Variants in TBC1D32 observed in about 807,000 individuals in gnomAD.
TBC1D32 encodes TBC1 domain family member 32.
TBC1D32 carries 151 observed loss-of-function variants against 170.3 expected under a neutral mutation model. The observed-to-expected ratio is 0.89, with a 90% CI of 0.78 to 1.01. The LOEUF (loss-of-function observed/expected upper bound fraction) is 1.01. Among genes scored for constraint, TBC1D32 ranks in the 50% least tolerant of loss-of-function variants. The pLI is 0.00. For missense variants in TBC1D32, 1,464 were observed against 1,457.1 expected (o/e 1.00, Z -0.08); for synonymous variants, 498 against 488.0 (o/e 1.02, Z -0.27).
rs531637028 is a variant in TBC1D32, at chr6:121,198,749, C to G, written c.2570+6326G>C. Among the ~76,000 whole-genome samples, 12 of 150,722 alleles carry G rather than the reference C, an allele frequency of 8.0e-5. 1 individual carries two copies. Among genetic ancestry groups the G allele is most frequent in the African/African-American group, 2.7e-4 (11 of 40,404 alleles). ...CTGGGCGACAGAGCGAGACTCTTGTCTCAAAAATAAAAAATAAAAAAAAGA... is the reference window on the plus strand; with the variant it reads ...CTGGGCGACAGAGCGAGACTCTTGTGTCAAAAATAAAAAATAAAAAAAAGA... On this transcript the variant is annotated intron_variant, in intron 22 of 31. Transcript: ENST00000398212.
chr6:121,235,403 T>C (rs1463553466), intron 20 of TBC1D32, among the ~76,000 whole-genome samples: 1 of 152,136 alleles, frequency 6.6e-6, no homozygotes, highest in Non-Finnish European at 1.5e-5. Context: ...GCTCAGCCTC[T>C]CCTTGGGCGA....
intron 17 of TBC1D32, among the ~76,000 whole-genome samples, chr6:121,255,040 G>A (rs910603885): frequency 1.3e-5 from 2 of 151,782 alleles, no homozygotes; most frequent in Non-Finnish European, 2.9e-5. Context: ...TTCCAACTTT[G>A]GTATTTGGTA....
intron 22 of TBC1D32, among the ~76,000 whole-genome samples, chr6:121,170,150 A>G (rs1440953378): frequency 6.6e-6 from 1 of 151,584 alleles, no homozygotes; most frequent in Non-Finnish European, 1.5e-5. Context: ...ATACACACAT[A>G]CCACACACAT....
intron 15 of TBC1D32, among the ~76,000 whole-genome samples, chr6:121,274,122 C>T (rs1241624766): frequency 3.3e-5 from 5 of 152,144 alleles, no homozygotes; most frequent in South Asian, 2.1e-4. Context: ...ATCATGAGGT[C>T]GGGAGGTGGA....
chr6:121,210,554 A>T (rs1792901614), intron 21 of TBC1D32, among the ~76,000 whole-genome samples: 1 of 152,222 alleles, frequency 6.6e-6, no homozygotes. Context: ...ATACTGTGGT[A>T]GGCAGAATTC....
intron 20 of TBC1D32, among the ~76,000 whole-genome samples, chr6:121,227,018 A>G (rs1461053532): frequency 2.0e-5 from 3 of 151,196 alleles, no homozygotes; most frequent in Non-Finnish European, 4.4e-5. Flanking sequence ...TGGGCCACAC[A>G]TAAAATACAG....
chr6:121,111,627 G>A (rs1325821050), intron 29 of TBC1D32, among the ~76,000 whole-genome samples: 1 of 152,042 alleles, frequency 6.6e-6, no homozygotes, highest in Non-Finnish European at 1.5e-5. Flanking sequence ...TTATGGTGAA[G>A]AACAAGAATT....
Position 121,314,670 on chromosome 6 carries a change from C to T in TBC1D32, c.495+2825G>A, listed in dbSNP as rs532533088. Among the ~76,000 whole-genome samples the T allele has an allele frequency of 2.5e-3, 374 of 152,170 alleles. 2 individuals are homozygous for T. Among genetic ancestry groups the T allele is most frequent in the African/African-American group, 8.6e-3 (355 of 41,518 alleles). On this transcript the variant is annotated intron_variant, in intron 3 of 31. Coordinates refer to ENST00000398212, the MANE Select transcript of TBC1D32 (RefSeq NM_152730.6). ...CCGTGCTGTACTATACTAATTACTG[C>T]GGAGGAAGAGAAAGACAGAAAAACT...
intron 22 of TBC1D32, among the ~76,000 whole-genome samples, chr6:121,172,167 GGCCTCCCCAGCCAC>G (rs1258977745): frequency 1.3e-5 from 2 of 152,012 alleles, no homozygotes; most frequent in Non-Finnish European, 2.9e-5. Context: ...ATGATTATGA[GGCCTCCCCAGCCAC>G]GTGGGAACTG....
intron 1 of TBC1D32, among the ~76,000 whole-genome samples, chr6:121,330,982 G>C (rs920450721): frequency 2.6e-5 from 4 of 152,152 alleles, no homozygotes; most frequent in African/African-American, 9.7e-5. Flanking sequence ...TGTAGAAAAA[G>C]AGAAGTGCCT....
At chr6:121,148,469 A>G (rs1428169270) in intron 24 of TBC1D32, among the ~76,000 whole-genome samples, 4 of 152,020 alleles carry the variant, frequency 2.6e-5, no homozygotes, top group African/African-American at 9.7e-5. Context: ...TCTTTATAAC[A>G]GAATCACTTA....
At chr6:121,287,952 A>G (rs960997199) in intron 12 of TBC1D32, among the ~76,000 whole-genome samples, 2 of 152,174 alleles carry the variant, frequency 1.3e-5, no homozygotes, top group African/African-American at 2.4e-5. Flanking sequence ...CTTTGAAACC[A>G]ATGAGAACAA....
chr6:121,290,476 C>T (rs28846448), intron 12 of TBC1D32, among the ~76,000 whole-genome samples: 17,463 of 151,412 alleles, frequency 0.12, 1,424 homozygotes, highest in Admixed American at 0.23. Flanking sequence ...GTTAGAATGG[C>T]GATCATTAAA....
chr6:121,288,793 AG>A (rs1159855252), intron 12 of TBC1D32, among the ~76,000 whole-genome samples: 2 of 151,800 alleles, frequency 1.3e-5, no homozygotes, highest in Non-Finnish European at 2.9e-5. Flanking sequence ...CACATCAAAA[AG>A]CTTATCCACC....
intron 22 of TBC1D32, chr6:121,170,635 A>G (rs775766683): frequency 3.1e-5 from 22 of 718,148 alleles, no homozygotes; most frequent in Non-Finnish European, 4.3e-5. Context: ...TCTAAATCTA[A>G]CAGAAAGTAT....
chr6:121,141,238 A>G (rs539759326), intron 24 of TBC1D32, among the ~76,000 whole-genome samples: 4 of 151,888 alleles, frequency 2.6e-5, no homozygotes, highest in African/African-American at 9.6e-5. Flanking sequence ...TAAGGTGGAG[A>G]TAACTTCTCT....
chr6:121,316,446 T>C lies in TBC1D32; in HGVS notation c.495+1049A>G, dbSNP rs114810053. Among the ~76,000 whole-genome samples, 1,347 of 152,228 alleles carry C rather than the reference T, an allele frequency of 8.8e-3. 27 individuals are homozygous for C. The highest frequency in any genetic ancestry group is 0.031 in the African/African-American group (1,275 of 41,536). ...ACTTACTAAACAAGCCATCTGACTG[T>C]ATTAAACTAAAATCTCTATACCCCA... is the stretch of plus-strand genomic sequence containing the variant. On this transcript the variant is annotated intron_variant, in intron 3 of 31. Transcript: ENST00000398212.
Position 121,334,275 on chromosome 6 carries a change from C to T in TBC1D32, c.155+1G>A. The T allele has an allele frequency of 3.1e-6, 5 of 1,613,696 alleles. No individual in the cohort carries two copies. The highest frequency in any genetic ancestry group is 4.2e-6 in the Non-Finnish European group (5 of 1,179,710). On this transcript the variant is annotated splice_donor_variant, in intron 1 of 31. Coordinates refer to ENST00000398212, the MANE Select transcript of TBC1D32 (RefSeq NM_152730.6). LOFTEE classifies it high-confidence loss of function. The stretch of plus-strand genomic sequence containing the variant: ...GCTTAAAACATCAAAAGCAATTTTA[C>T]TTGTGAAAATTTTCATCAGTTTCCT...
Position 121,324,987 on chromosome 6 carries a change from A to C in TBC1D32, c.156-3193T>G, listed in dbSNP as rs138489500. Among the ~76,000 whole-genome samples the C allele has an allele frequency of 8.5e-3, 1,289 of 152,300 alleles. 12 individuals carry two copies. Among genetic ancestry groups the C allele is most frequent in the Non-Finnish European group, 0.014 (933 of 68,016 alleles). On this transcript the variant is annotated intron_variant, in intron 1 of 31. Coordinates refer to ENST00000398212, the MANE Select transcript of TBC1D32 (RefSeq NM_152730.6). ...TACTTTGGGAGGCCGAAGCAGGTGG[A>C]TCACCAGAGGTCAGGAGTTCAAGAC...
Sources: gnomAD v4.1 joint callset for allele counts (sites outside exome capture counted in the v4.1 genomes callset) on GRCh38, gnomAD v4.1.1 for gene constraint, MANE v1.5 for transcripts, NCBI Gene and HGNC (gene_info 2026-07-23, HGNC 2026-07-21) for gene names.